The following PDE4D variants were observed in gnomAD, a reference collection of about 807,000 sequenced individuals.
The protein encoded by PDE4D is phosphodiesterase 4D, also known as 3',5'-cyclic-AMP phosphodiesterase 4D.
A neutral mutation model predicts 87.4 loss-of-function variants in PDE4D; 24 were observed. The observed-to-expected ratio is 0.27, with a 90% CI of 0.20 to 0.39. The LOEUF (loss-of-function observed/expected upper bound fraction) is 0.39. Ranked by LOEUF, PDE4D falls within the 10% of genes least tolerant of loss-of-function variation. The pLI is 1.00. For missense variants in PDE4D, 714 were observed against 1,041.0 expected, an observed-to-expected ratio of 0.69 and a Z score of 4.32; for synonymous variants, 384 against 383.2, an observed-to-expected ratio of 1.00 and a Z score of -0.02.
At chr5:60,126,946 A>C (rs1779169930) in intron 2 of PDE4D, among the ~76,000 whole-genome samples, 1 of 152,220 alleles carries the variant, frequency 6.6e-6, no homozygotes, top group African/African-American at 2.4e-5. Context: ...TGATAAGTAC[A>C]GTGAAAGAAG....
rs183016513 is a variant in PDE4D at position 59,570,295 on chromosome 5, T to C, written c.455+322873A>G. 3.2e-4 allele frequency among the ~76,000 whole-genome samples: 49 copies of C among 152,354 alleles called. No homozygotes were observed. The East Asian group carries it at 3.5e-3, about 11-fold the overall frequency. ...CAGTATTTAATCTCCTGATACTTTC[T>C]GGACCTCTGAAAGTATTAATACATG... On this transcript the variant is annotated intron_variant, in intron 1 of 14. Coordinates refer to ENST00000340635, the MANE Select transcript of PDE4D (RefSeq NM_001104631.2).
intron 1 of PDE4D, among the ~76,000 whole-genome samples, chr5:59,423,476 T>G (rs1032468524): frequency 2.6e-5 from 4 of 152,180 alleles, no homozygotes; most frequent in African/African-American, 9.7e-5. Flanking sequence ...CTGAAACAAC[T>G]CTTTCCATCA....
Position 59,411,461 on chromosome 5 carries a change from C to T in PDE4D, c.456-195493G>A, listed in dbSNP as rs111460653. Reference sequence around the variant, plus strand: ...AATACCACAGATTGGGTGGCTTACACGACAGTAATACGTTTTGTCAGTGTT... The same window carrying T: ...AATACCACAGATTGGGTGGCTTACATGACAGTAATACGTTTTGTCAGTGTT... On this transcript the variant is annotated intron_variant, in intron 1 of 14. Transcript: ENST00000340635. 3.5e-3 allele frequency among the ~76,000 whole-genome samples: 533 copies of T among 152,278 alleles called. 2 individuals carry two copies. The highest frequency in any genetic ancestry group is 0.012 in the African/African-American group (505 of 41,554).
chr5:59,642,373 A>T (rs1026877045), intron 1 of PDE4D, among the ~76,000 whole-genome samples: 17 of 152,188 alleles, frequency 1.1e-4, no homozygotes, highest in African/African-American at 4.1e-4. Context: ...CCCTCTAAAC[A>T]TATACACTGA....
intron 1 of PDE4D, among the ~76,000 whole-genome samples, chr5:60,341,523 T>A (rs1261384586): frequency 1.3e-5 from 2 of 152,162 alleles, no homozygotes; most frequent in African/African-American, 4.8e-5. Context: ...CCCAGGTGTG[T>A]GACTCAAATC....
chr5:59,116,555 C>T (rs1773647019), intron 5 of PDE4D, among the ~76,000 whole-genome samples: 1 of 152,210 alleles, frequency 6.6e-6, no homozygotes. Context: ...GAACCCACAA[C>T]TGCCCTATTA....
At chr5:60,333,614 C>A (rs1222882244) in intron 1 of PDE4D, among the ~76,000 whole-genome samples, 2 of 152,178 alleles carry the variant, frequency 1.3e-5, no homozygotes, top group Non-Finnish European at 1.5e-5. Flanking sequence ...ATTTAAAAAT[C>A]TAAAATGCCA....
chr5:59,596,469 C>G (rs1826700904), intron 1 of PDE4D, among the ~76,000 whole-genome samples: 2 of 151,978 alleles, frequency 1.3e-5, no homozygotes, highest in African/African-American at 4.8e-5. Flanking sequence ...AGATTATCAT[C>G]AGCATGTAGT....
chr5:60,390,447 G>T (rs1225321282), intron 1 of PDE4D, among the ~76,000 whole-genome samples: 1 of 152,018 alleles, frequency 6.6e-6, no homozygotes, highest in East Asian at 1.9e-4. Context: ...AAAGTAAGAG[G>T]TATTCAACAT....
At chr5:60,002,701 A>G (rs896715026) in intron 2 of PDE4D, among the ~76,000 whole-genome samples, 1 of 152,208 alleles carries the variant, frequency 6.6e-6, no homozygotes, top group African/African-American at 2.4e-5. Context: ...TAGAGGCAGA[A>G]ACAGTGTTTG....
intron 1 of PDE4D, among the ~76,000 whole-genome samples, chr5:59,285,212 T>TA (rs35238877): frequency 0.11 from 14,246 of 134,526 alleles, 849 homozygotes; most frequent in African/African-American, 0.17. Flanking sequence ...TAAAGTATAA[T>TA]AAAAAAAAAA....
chr5:59,458,353 A>G (rs1800236036), intron 1 of PDE4D, among the ~76,000 whole-genome samples: 1 of 152,232 alleles, frequency 6.6e-6, no homozygotes, highest in Non-Finnish European at 1.5e-5. Context: ...TTTCAATGAC[A>G]CTAACTGCTT....
intron 1 of PDE4D, among the ~76,000 whole-genome samples, chr5:59,892,141 G>A (rs1561826072): frequency 6.6e-6 from 1 of 152,146 alleles, no homozygotes. Flanking sequence ...CTGTCCCTGG[G>A]TTATCAGGAA....
intron 1 of PDE4D, among the ~76,000 whole-genome samples, chr5:59,463,601 A>G (rs1167843628): frequency 6.6e-6 from 1 of 152,206 alleles, no homozygotes; most frequent in Non-Finnish European, 1.5e-5. Context: ...ATTTATGATA[A>G]TCATTCTATT....
intron 6 of PDE4D, among the ~76,000 whole-genome samples, chr5:59,029,176 G>C (rs1171810388): frequency 2.0e-5 from 3 of 151,828 alleles, no homozygotes; most frequent in Non-Finnish European, 1.5e-5. Flanking sequence ...ACTTTGGGAG[G>C]CCGAGGCGGG....
chr5:59,970,760 G>A (rs1393934013), intron 3 of PDE4D, among the ~76,000 whole-genome samples: 1 of 147,764 alleles, frequency 6.8e-6, no homozygotes, highest in Admixed American at 6.8e-5. Context: ...CTGTTGGTGG[G>A]ACTGTAAACT....
At chr5:60,397,923 C>A (rs1444779720) in intron 1 of PDE4D, among the ~76,000 whole-genome samples, 1 of 152,074 alleles carries the variant, frequency 6.6e-6, no homozygotes, top group Admixed American at 6.6e-5. Flanking sequence ...AGAGTTTAGA[C>A]CTTGAAATTC....
intron 1 of PDE4D, among the ~76,000 whole-genome samples, chr5:59,674,819 C>T (rs540919832): frequency 6.6e-6 from 1 of 152,294 alleles, no homozygotes; most frequent in South Asian, 2.1e-4. Flanking sequence ...ATATTACTCA[C>T]AATTTGAAAC....
intron 6 of PDE4D, among the ~76,000 whole-genome samples, chr5:59,035,261 T>C (rs993287556): frequency 2.6e-5 from 4 of 152,222 alleles, no homozygotes; most frequent in Non-Finnish European, 4.4e-5. Flanking sequence ...ACAGGAAAAG[T>C]ACTTAGTTAG....
Sources: allele counts gnomAD v4.1 joint callset (sites outside exome capture counted in the v4.1 genomes callset), GRCh38; gene constraint gnomAD v4.1.1; transcripts MANE v1.5; gene names NCBI Gene and HGNC (gene_info 2026-07-23, HGNC 2026-07-21).